The following EFHC1 variants were observed in gnomAD, a reference collection of about 807,000 sequenced individuals.
EFHC1 encodes EF-hand domain containing 1.
EFHC1 carries 53 observed loss-of-function variants against 69.9 expected under a neutral mutation model. The observed-to-expected ratio is 0.76, with a 90% CI of 0.61 to 0.95. The LOEUF (loss-of-function observed/expected upper bound fraction) is 0.95. Ranked by LOEUF, EFHC1 falls within the 40% of genes least tolerant of loss-of-function variation. EFHC1 has a pLI of 0.00. For missense variants in EFHC1, 739 were observed against 798.7 expected (o/e 0.93, Z 0.90); for synonymous variants, 256 against 278.4 (o/e 0.92, Z 0.80).
rs1402825666 is a variant in EFHC1 at position 52,494,589 on chromosome 6, T to G, written c.*2248T>G. The G allele has an allele frequency of 2.2e-6, 1 of 454,126 alleles. No individual in the cohort carries two copies. Among genetic ancestry groups the G allele is most frequent in the Non-Finnish European group, 4.4e-6 (1 of 226,792 alleles). 28.1% of individuals were successfully genotyped at this position (454,126 alleles called of 1,614,324 possible). A position where few individuals can be genotyped will look rare whatever the true frequency, so the allele number is the denominator to read the frequency against. ...TCTTTCTCCCAGAGCACCTTTTCTC[T>G]CTTTTTGGATTCAGGGGGTACATGT... On this transcript the variant is annotated 3_prime_UTR_variant, in exon 11 of 11. Coordinates refer to ENST00000371068, the MANE Select transcript of EFHC1 (RefSeq NM_018100.4).
At chr6:52,485,145 G>A (rs1562464356) in intron 9 of EFHC1, 1 of 152,042 alleles carries the variant, frequency 6.6e-6, no homozygotes, top group Non-Finnish European at 1.5e-5. Context: ...GAACGGACTA[G>A]AGAAGCGTAG....
chr6:52,460,473 A>G (rs1032008097), intron 5 of EFHC1, among the ~76,000 whole-genome samples: 2 of 152,220 alleles, frequency 1.3e-5, no homozygotes, highest in African/African-American at 4.8e-5. Context: ...TACATATGTC[A>G]AGCAACATCA....
rs761130480 is a variant in EFHC1, at chr6:52,469,321, A to G, written c.1138-12A>G. ...GTATCTGCCTTACTTCTTGCTTCCTATGTATCTCCAGGAGTTGCCTCCTTA... is the reference window on the plus strand; with the variant it reads ...GTATCTGCCTTACTTCTTGCTTCCTGTGTATCTCCAGGAGTTGCCTCCTTA... On this transcript the variant is annotated splice_polypyrimidine_tract_variant and intron_variant, in intron 6 of 10. Transcript: ENST00000371068. 8 of 1,613,826 alleles carry G rather than the reference A, an allele frequency of 5.0e-6. No homozygotes were observed. The highest frequency in any genetic ancestry group is 2.2e-5 in the East Asian group (1 of 44,842).
At position 52,479,689 on chromosome 6, in the gene EFHC1, A is replaced by G. The variant is rs1765629578; in HGVS notation, c.1542A>G (p.Lys514=). The change falls in exon 9 of 11, where the codon AAA becomes AAG. Residue 514 remains lysine, a synonymous_variant. Coordinates refer to ENST00000371068, the MANE Select transcript of EFHC1 (RefSeq NM_018100.4). ...IILDTDEYVL[K]YMESNAAQYS... The stretch of plus-strand genomic sequence containing the variant: ...TTGATACAGACGAGTATGTTTTGAA[A>G]TACATGGAGAGCAACGCTGCCCAGT... The G allele has an allele frequency of 6.2e-7, 1 of 1,614,210 alleles. No homozygotes were observed. The highest frequency in any genetic ancestry group is 1.3e-5 in the African/African-American group (1 of 75,050).
chr6:52,455,557 G>A (rs1765026264), intron 5 of EFHC1, among the ~76,000 whole-genome samples: 1 of 152,120 alleles, frequency 6.6e-6, no homozygotes, highest in Non-Finnish European at 1.5e-5. Flanking sequence ...AGGAGGCTGA[G>A]GCAGGAGAAT....
intron 5 of EFHC1, among the ~76,000 whole-genome samples, chr6:52,458,540 C>T (rs753851247): frequency 6.6e-6 from 1 of 152,168 alleles, no homozygotes; most frequent in African/African-American, 2.4e-5. Flanking sequence ...GGACAACAAA[C>T]ATTTTAAAAA....
chr6:52,492,083 G>A (rs2114039239), intron 10 of EFHC1, among the ~76,000 whole-genome samples, 187 bp from the exon 11 acceptor site: 1 of 152,328 alleles, frequency 6.6e-6, no homozygotes, highest in Middle Eastern at 3.4e-3. Flanking sequence ...TTCATTAAGT[G>A]TAAGATGGGG....
intron 2 of EFHC1, among the ~76,000 whole-genome samples, chr6:52,428,749 GA>G (rs1455319428): frequency 2.6e-5 from 4 of 152,064 alleles, no homozygotes; most frequent in Non-Finnish European, 5.9e-5. Context: ...TTAGTTCTTT[GA>G]GGAATCTTCA....
intron 9 of EFHC1, chr6:52,489,060 C>T (rs565550643): frequency 2.0e-5 from 3 of 152,274 alleles, no homozygotes; most frequent in East Asian, 3.9e-4. Context: ...AAAGGTTATT[C>T]CACTTTATAC....
chr6:52,494,425 G>T lies in EFHC1; in HGVS notation c.*2084G>T, dbSNP rs1322973236. On this transcript the variant is annotated 3_prime_UTR_variant, in exon 11 of 11. Transcript: ENST00000371068. ...GCTCCCTTTGTTCCTATTCAGCCAT[G>T]CTGCTGTTTCTAGCCCATGTAGGCT... is the stretch of plus-strand genomic sequence containing the variant. The T allele has an allele frequency of 2.2e-6, 1 of 454,008 alleles. No homozygotes were observed. The highest frequency in any genetic ancestry group is 2.0e-5 in the African/African-American group (1 of 50,008). The allele number at this position is 454,008 out of a possible 1,614,324, so 28.1% of individuals were successfully genotyped here. A position where few individuals can be genotyped will look rare whatever the true frequency, so the allele number is the denominator to read the frequency against.
In EFHC1 at chr6:52,479,772, C is replaced by T. The variant is rs766799700; in HGVS notation, c.1625C>T (p.Ala542Val). ...CATGTCCGAAAGCGAGAAGCGCCTG[C>T]TCCAGAAGCAGAAAGGTGTGTGTTT... ...QNHVRKREAP[A>V]PEAESKQTEK... The change falls in exon 9 of 11, where the codon GCT becomes GTT. Residue 542 changes from alanine to valine, a missense_variant. Transcript: ENST00000371068. 30 of 1,614,026 alleles carry T rather than the reference C, an allele frequency of 1.9e-5. No homozygotes were observed. Among genetic ancestry groups the T allele is most frequent in the African/African-American group, 4.0e-5 (3 of 74,930 alleles).
intron 3 of EFHC1, among the ~76,000 whole-genome samples, chr6:52,445,653 G>T (rs1452763507): frequency 1.3e-5 from 2 of 152,130 alleles, no homozygotes; most frequent in Non-Finnish European, 2.9e-5. Context: ...TGTGATGTTA[G>T]GGTGTCAATT....
intron 1 of EFHC1, among the ~76,000 whole-genome samples, chr6:52,423,141 A>G (rs1350471728): frequency 6.6e-6 from 1 of 152,246 alleles, no homozygotes; most frequent in East Asian, 1.9e-4. Flanking sequence ...GACTTTAAAT[A>G]TATACCATCC....
rs2114042913 is a variant in EFHC1 at position 52,494,404 on chromosome 6, C to T, written c.*2063C>T. 1 of 454,120 alleles carries T rather than the reference C, an allele frequency of 2.2e-6. No homozygotes were observed. Among genetic ancestry groups the T allele is most frequent in the Admixed American group, 2.3e-5 (1 of 42,572 alleles). The allele number at this position is 454,120 out of a possible 1,614,324, so 28.1% of individuals were successfully genotyped here. On this transcript the variant is annotated 3_prime_UTR_variant, in exon 11 of 11. Coordinates refer to ENST00000371068, the MANE Select transcript of EFHC1 (RefSeq NM_018100.4). Reference sequence around the variant, plus strand: ...ACTCCCTTCTTTCTGTCTTCTGCTCCCTTTGTTCCTATTCAGCCATGCTGC... The same window carrying T: ...ACTCCCTTCTTTCTGTCTTCTGCTCTCTTTGTTCCTATTCAGCCATGCTGC...
At chr6:52,483,012 A>G in intron 9 of EFHC1, 1 of 395,702 alleles carries the variant, frequency 2.5e-6, no homozygotes, top group African/African-American at 2.1e-5. Flanking sequence ...GAGGCAAGAT[A>G]GCTACACACT....
chr6:52,420,467 C>G lies in EFHC1; in HGVS notation c.57C>G (p.Asp19Glu). Residue 19 changes from aspartate (D) to glutamate (E), a missense_variant, in exon 1 of 11, where the codon GAC (aspartate) becomes GAG (glutamate). Physicochemically the swap from Asp to Glu is conservative, Grantham distance 45. Transcript: ENST00000371068. ...TTCTTCCGGGCACGTCCTTTAAGGA[C>G]TCTACGGTGAGCAGTTATCTGCCAG... Reference protein sequence around the residue: ...LPFLPGTSFKDSTKTAFHRSQ... With the variant: ...LPFLPGTSFKESTKTAFHRSQ... The G allele has an allele frequency of 1.2e-6, 2 of 1,614,216 alleles. No homozygotes were observed. Among genetic ancestry groups the G allele is most frequent in the South Asian group, 2.2e-5 (2 of 91,088 alleles).
At chr6:52,480,223 A>G in intron 9 of EFHC1, 1 of 273,440 alleles carries the variant, frequency 3.7e-6, no homozygotes. Flanking sequence ...GAAAGAGAAA[A>G]TTATTTACTA....
At chr6:52,480,380 C>G (rs987480041) in intron 9 of EFHC1, among the ~76,000 whole-genome samples, 1 of 152,126 alleles carries the variant, frequency 6.6e-6, no homozygotes, top group Admixed American at 6.5e-5. Context: ...AATGCAAATT[C>G]TTGTTGTTCA....
In EFHC1 at chr6:52,496,528, T is replaced by C. The variant is rs1369114936; in HGVS notation, c.*4187T>C. On this transcript the variant is annotated 3_prime_UTR_variant, in exon 11 of 11. Transcript: ENST00000371068. ...ACGTCTCTAAATGTTGTCCAGAGAA[T>C]CCACTTGGTTAAGTGACTCCTGAGT... The C allele has an allele frequency of 6.6e-6, 1 of 152,174 alleles. No homozygotes were observed. The highest frequency in any genetic ancestry group is 1.9e-4 in the East Asian group (1 of 5,200). The allele number at this position is 152,174 out of a possible 1,614,324, so 9.4% of individuals were successfully genotyped here. A position where few individuals can be genotyped will look rare whatever the true frequency, so the allele number is the denominator to read the frequency against.
Sources: allele counts gnomAD v4.1 joint callset (sites outside exome capture counted in the v4.1 genomes callset), GRCh38; gene constraint gnomAD v4.1.1; transcripts MANE v1.5; gene names NCBI Gene and HGNC (gene_info 2026-07-23, HGNC 2026-07-21).